The following FBXO28 variants were observed in gnomAD, a reference collection of about 807,000 sequenced individuals.
The protein encoded by FBXO28 is F-box only protein 28.
A neutral mutation model predicts 38.1 loss-of-function variants in FBXO28; 8 were observed. That is an observed-to-expected ratio of 0.21 (90% CI 0.12 to 0.38). The LOEUF (loss-of-function observed/expected upper bound fraction) is 0.38. Among genes scored for constraint, FBXO28 ranks in the 10% least tolerant of loss-of-function variants. FBXO28 has a pLI of 1.00. For missense variants in FBXO28, 345 were observed against 460.6 expected (o/e 0.75, Z 2.30); for synonymous variants, 168 against 173.8 (o/e 0.97, Z 0.26).
At chr1:224,144,185 C>A (rs1043470461) in intron 3 of FBXO28, among the ~76,000 whole-genome samples, 2 of 150,530 alleles carry the variant, frequency 1.3e-5, no homozygotes, top group Non-Finnish European at 3.0e-5. Flanking sequence ...ATGAATGGGC[C>A]AGGTGTGGTG....
intron 3 of FBXO28, among the ~76,000 whole-genome samples, chr1:224,135,905 T>C (rs1657171464): frequency 6.6e-6 from 1 of 151,720 alleles, no homozygotes. Context: ...CATGGTGGCA[T>C]GTGCCTGTAA....
At chr1:224,152,443 G>A (rs549428767) in intron 3 of FBXO28, among the ~76,000 whole-genome samples, 85 of 152,176 alleles carry the variant, frequency 5.6e-4, no homozygotes, top group African/African-American at 2.0e-3. Flanking sequence ...TCCCATACAG[G>A]ATTTAATTTC....
intron 3 of FBXO28, among the ~76,000 whole-genome samples, chr1:224,143,835 CAAAAAA>C (rs33965694): frequency 8.4e-6 from 1 of 119,202 alleles, no homozygotes. Context: ...GACTCCATCT[CAAAAAA>C]AAAAAAAAGA....
chr1:224,160,751 A>C lies in FBXO28; in HGVS notation c.*3005A>C, dbSNP rs1451655038. Reference sequence around the variant, plus strand: ...TTTTTTTGCAAAACACTTTTTTTGGAGTACTGAACTTTACAGGGGCTTGCC... The same window carrying C: ...TTTTTTTGCAAAACACTTTTTTTGGCGTACTGAACTTTACAGGGGCTTGCC... On this transcript the variant is annotated 3_prime_UTR_variant, in exon 5 of 5. Transcript: ENST00000366862. 6.6e-6 allele frequency: 1 copy of C among 152,180 alleles called. No homozygotes were observed. Among genetic ancestry groups the C allele is most frequent in the African/African-American group, 2.4e-5 (1 of 41,452 alleles). 9.4% of individuals were successfully genotyped at this position (152,180 alleles called of 1,614,324 possible). A position where few individuals can be genotyped will look rare whatever the true frequency, so the allele number is the denominator to read the frequency against.
chr1:224,126,682 C>T (rs1312517309), intron 1 of FBXO28, among the ~76,000 whole-genome samples: 2 of 152,042 alleles, frequency 1.3e-5, no homozygotes, highest in East Asian at 3.9e-4. Context: ...TGGTGGCAGG[C>T]GCCTGTAATC....
chr1:224,153,194 C>T lies in FBXO28; in HGVS notation c.569C>T (p.Pro190Leu). The T allele has an allele frequency of 6.2e-7, 1 of 1,609,712 alleles. No homozygotes were observed. Among genetic ancestry groups the T allele is most frequent in the Non-Finnish European group, 8.5e-7 (1 of 1,178,672 alleles). ...AGATATGTCAATTCTACCAGAGCCC[C>T]TCAACGAGCTCATGAAGTACTTCAA... Reference protein sequence around the residue: ...VLRYVNSTRAPQRAHEVLQEL... With the variant: ...VLRYVNSTRALQRAHEVLQEL... The change falls in exon 4 of 5, where the codon CCT becomes CTT. Residue 190 changes from proline (P) to leucine (L), a missense_variant. Physicochemically the swap from Pro to Leu is moderately conservative, Grantham distance 98 (BLOSUM62 -3). This residue lies in a region of FBXO28 where 7 missense variants were observed against 31.3 expected (regional missense o/e 0.22). Transcript: ENST00000366862.
chr1:224,128,513 C>T (rs1322488467), intron 1 of FBXO28, among the ~76,000 whole-genome samples: 1 of 151,874 alleles, frequency 6.6e-6, no homozygotes, highest in African/African-American at 2.4e-5. Flanking sequence ...TAGAGTTTAC[C>T]AAGTGATTTA....
chr1:224,116,379 A>G (rs1656643539), intron 1 of FBXO28, among the ~76,000 whole-genome samples: 1 of 152,166 alleles, frequency 6.6e-6, no homozygotes, highest in South Asian at 2.1e-4. Flanking sequence ...GAGAGTACCT[A>G]GGTGAGCTGT....
chr1:224,152,247 G>T (rs934920242), intron 3 of FBXO28, among the ~76,000 whole-genome samples: 5 of 152,096 alleles, frequency 3.3e-5, no homozygotes, highest in African/African-American at 9.7e-5. Context: ...TGGTGACAAG[G>T]AAGTGACAAG....
At chr1:224,126,016 A>G (rs771265726) in intron 1 of FBXO28, among the ~76,000 whole-genome samples, 1 of 152,156 alleles carries the variant, frequency 6.6e-6, no homozygotes, top group Non-Finnish European at 1.5e-5. Flanking sequence ...CACACATCTC[A>G]TCTGTCTTCG....
Position 224,159,081 on chromosome 1 carries a change from A to G in FBXO28, c.*1335A>G, listed in dbSNP as rs761731825. The stretch of plus-strand genomic sequence containing the variant: ...CAGTTGTATAGTTTTGAGACATTCA[A>G]TTATCACTGTCTTAGTTGTATTTTA... On this transcript the variant is annotated 3_prime_UTR_variant, in exon 5 of 5. Transcript: ENST00000366862. The G allele has an allele frequency of 3.3e-5, 5 of 152,610 alleles. No homozygotes were observed. Among genetic ancestry groups the G allele is most frequent in the Admixed American group, 6.6e-5 (1 of 15,264 alleles). The allele number at this position is 152,610 out of a possible 1,614,324, so 9.5% of individuals were successfully genotyped here.
chr1:224,129,392 C>G (rs1288912314), intron 1 of FBXO28, among the ~76,000 whole-genome samples: 1 of 152,188 alleles, frequency 6.6e-6, no homozygotes, highest in Non-Finnish European at 1.5e-5. Flanking sequence ...CCTTGGCCAT[C>G]ATAAGCTCTC....
chr1:224,131,173 G>A (rs6426143), intron 2 of FBXO28, among the ~76,000 whole-genome samples: 76,200 of 151,574 alleles, frequency 0.5, 20,390 homozygotes, highest in South Asian at 0.61. Flanking sequence ...TTAAGATGAC[G>A]GTACTCCCCA....
chr1:224,147,755 C>T (rs1657543570), intron 3 of FBXO28, among the ~76,000 whole-genome samples: 1 of 150,686 alleles, frequency 6.6e-6, no homozygotes, highest in Non-Finnish European at 1.5e-5. Flanking sequence ...TTTAAGTGAC[C>T]TTCCTAAGGC....
At chr1:224,124,991 T>C (rs1656871186) in intron 1 of FBXO28, among the ~76,000 whole-genome samples, 1 of 152,196 alleles carries the variant, frequency 6.6e-6, no homozygotes, top group African/African-American at 2.4e-5. Flanking sequence ...AGATGTATGA[T>C]CTCTTGTGTT....
chr1:224,121,179 A>G lies in FBXO28; in HGVS notation c.267+6783A>G, dbSNP rs1203659431. On this transcript the variant is annotated intron_variant, in intron 1 of 4. Transcript: ENST00000366862. ...TAGTGCATCAGGGTTCCTTTGTTTT[A>G]GTCAACATTTAATTGATTTATTAAT... Among the ~76,000 whole-genome samples, 4 of 152,196 alleles carry G rather than the reference A, an allele frequency of 2.6e-5. No individual in the cohort carries two copies. The East Asian group carries it at 7.7e-4, about 29-fold the overall frequency.
Position 224,127,733 on chromosome 1 carries a change from C to G in FBXO28, c.268-2739C>G, listed in dbSNP as rs1453476098. Among the ~76,000 whole-genome samples the G allele has an allele frequency of 3.9e-5, 6 of 152,156 alleles. No homozygotes were observed. The East Asian group carries it at 9.7e-4, about 25-fold the overall frequency. The stretch of plus-strand genomic sequence containing the variant: ...ACCAGCCTGGCCAACATGGTGAAAC[C>G]CCATCTCTACTTAGAATGCAAAAAT... On this transcript the variant is annotated intron_variant, in intron 1 of 4. Coordinates refer to ENST00000366862, the MANE Select transcript of FBXO28 (RefSeq NM_015176.4).
chr1:224,153,161 G>A lies in FBXO28; in HGVS notation c.536G>A (p.Arg179His), dbSNP rs139725915. 2.2e-5 allele frequency: 35 copies of A among 1,598,906 alleles called. No homozygotes were observed. The highest frequency in any genetic ancestry group is 7.2e-5 in the Admixed American group (4 of 55,820). ...IPGKVIDEIY[R>H]VLRYVNSTRA... ...TTTTAGGTGATTGATGAGATTTATC[G>A]TGTGTTGAGATATGTCAATTCTACC... The change falls in exon 4 of 5, where the codon CGT (arginine) becomes CAT (histidine). Residue 179 changes from arginine (R) to histidine (H), a missense_variant. Coordinates refer to ENST00000366862, the MANE Select transcript of FBXO28 (RefSeq NM_015176.4).
chr1:224,143,218 C>CA (rs1161345004), intron 3 of FBXO28, among the ~76,000 whole-genome samples: 1,155 of 62,880 alleles, frequency 0.018, 7 homozygotes, highest in African/African-American at 0.033. Flanking sequence ...GACTCTGTCT[C>CA]AAAAAAAAAA....
Sources: gnomAD v4.1 joint callset for allele counts (sites outside exome capture counted in the v4.1 genomes callset) on GRCh38, gnomAD v4.1.1 for gene constraint, gnomAD v4.1.1 regional missense constraint, MANE v1.5 for transcripts, NCBI Gene and HGNC (gene_info 2026-07-23, HGNC 2026-07-21) for gene names.